The following MARCHF1 variants were observed in gnomAD, a reference collection of about 807,000 sequenced individuals.
MARCHF1 encodes membrane associated ring-CH-type finger 1.
Under a neutral mutation model 54.2 loss-of-function variants are expected in MARCHF1, and 40 were observed. The observed-to-expected ratio is 0.74, with a 90% CI of 0.57 to 0.96. The LOEUF (loss-of-function observed/expected upper bound fraction) is 0.96, where lower values mean the gene tolerates loss of function less well. MARCHF1 is among the 40% of genes least tolerant of loss of function. The probability of loss-of-function intolerance (pLI) is 0.00; values close to 1 mark genes in which losing one functional copy is unlikely to be tolerated. For synonymous variants in MARCHF1, 236 were observed against 236.3 expected, an observed-to-expected ratio of 1.00 and a Z score of 0.01; for missense variants, 586 against 656.5, an observed-to-expected ratio of 0.89 and a Z score of 1.17.
Position 163,545,746 on chromosome 4 carries a change from G to A in MARCHF1, c.1192-3C>T, listed in dbSNP as rs772212250. ...GTGGTCATCTGTAGTTTCTCCCACT[G>A]CAATCAGAAATGAAGGACACAAAAC... On this transcript the variant is annotated splice_polypyrimidine_tract_variant and splice_region_variant and intron_variant, in intron 8 of 9. Coordinates refer to ENST00000514618, the MANE Select transcript of MARCHF1 (RefSeq NM_001394959.1). 5 of 1,612,078 alleles carry A rather than the reference G, an allele frequency of 3.1e-6. No individual in the cohort carries two copies. Among genetic ancestry groups the A allele is most frequent in the Non-Finnish European group, 3.4e-6 (4 of 1,179,364 alleles).
intron 1 of MARCHF1, among the ~76,000 whole-genome samples, chr4:164,114,519 T>C (rs2110743907): frequency 6.6e-6 from 1 of 151,878 alleles, no homozygotes; most frequent in Non-Finnish European, 1.5e-5. Flanking sequence ...GAATTGTTAA[T>C]ATTTAGTGCA....
In MARCHF1 at chr4:163,687,020, G is replaced by C. The variant is rs370589720; in HGVS notation, c.162+13793C>G. On this transcript the variant is annotated intron_variant, in intron 5 of 9. Transcript: ENST00000514618. ...GATTTTCAAATTGTTTTTGGGCTTG[G>C]CAAATGTGTTTTATCTAATTTTGCA... 4.6e-5 allele frequency among the ~76,000 whole-genome samples: 7 copies of C among 152,098 alleles called. No individual in the cohort carries two copies. In the East Asian group the frequency reaches 7.7e-4, roughly 17 times the overall value.
intron 3 of MARCHF1, 127 bp from the exon 4 acceptor site, chr4:163,854,296 G>T: frequency 3.1e-6 from 2 of 651,310 alleles, no homozygotes; most frequent in East Asian, 3.0e-5. Flanking sequence ...AAAAACCAGG[G>T]GTTACAAGGA....
In MARCHF1 at chr4:163,613,020, G is replaced by A; in HGVS notation, c.261C>T (p.Asp87=). 12 of 1,507,638 alleles carry A rather than the reference G, an allele frequency of 8.0e-6. No homozygotes were observed. The highest frequency in any genetic ancestry group is 1.3e-5 in the South Asian group (1 of 78,412). 93.4% of individuals were successfully genotyped at this position (1,507,638 alleles called of 1,614,324 possible). The change falls in exon 7 of 10, where the codon GAC becomes GAT. Residue 87 remains aspartate, a synonymous_variant. Coordinates refer to ENST00000514618, the MANE Select transcript of MARCHF1 (RefSeq NM_001394959.1). ...QDICRSAILH[D]MSEESFEYCT... ...AATACTCAAATGACTCTTCTGACAT[G>A]TCATGCAAGATGGCAGATCTAGACA...
intron 5 of MARCHF1, among the ~76,000 whole-genome samples, chr4:163,619,607 C>T (rs972889917): frequency 6.6e-6 from 1 of 151,814 alleles, no homozygotes; most frequent in Non-Finnish European, 1.5e-5. Flanking sequence ...ATCTATCTGT[C>T]TATATGTATC....
chr4:163,877,223 A>G (rs1253165266), intron 3 of MARCHF1, among the ~76,000 whole-genome samples: 33 of 152,246 alleles, frequency 2.2e-4, no homozygotes, highest in Non-Finnish European at 1.5e-5. Flanking sequence ...TCCCTACTGA[A>G]AAGTTCTTGA....
At chr4:163,703,750 A>G (rs182154707) in intron 4 of MARCHF1, among the ~76,000 whole-genome samples, 34 of 152,178 alleles carry the variant, frequency 2.2e-4, no homozygotes, top group Admixed American at 1.4e-3. Context: ...CAGTTTCCTA[A>G]GTTTTATTGA....
chr4:163,818,080 G>C (rs1228793516), intron 4 of MARCHF1, among the ~76,000 whole-genome samples: 1 of 151,490 alleles, frequency 6.6e-6, no homozygotes, highest in Admixed American at 6.6e-5. Flanking sequence ...CCTGCACATT[G>C]TGCACATGTA....
intron 3 of MARCHF1, among the ~76,000 whole-genome samples, chr4:163,975,000 T>TG (rs1157592811): frequency 2.6e-5 from 4 of 152,216 alleles, no homozygotes; most frequent in Middle Eastern, 3.4e-3. Context: ...GGACATAGGA[T>TG]TTTTTATGCC....
intron 1 of MARCHF1, among the ~76,000 whole-genome samples, chr4:164,323,454 TAC>T (rs1579720440): frequency 6.6e-6 from 1 of 151,442 alleles, no homozygotes; most frequent in African/African-American, 2.4e-5. Context: ...AAATGTTAAT[TAC>T]ACTTATTTTA....
chr4:163,599,188 C>G (rs753691704), intron 7 of MARCHF1, among the ~76,000 whole-genome samples: 1 of 152,020 alleles, frequency 6.6e-6, no homozygotes, highest in Non-Finnish European at 1.5e-5. Context: ...ACTTGGGAGG[C>G]TGAGACAGGG....
At chr4:163,968,030 C>A (rs916491208) in intron 3 of MARCHF1, among the ~76,000 whole-genome samples, 2 of 152,160 alleles carry the variant, frequency 1.3e-5, no homozygotes, top group East Asian at 3.8e-4. Flanking sequence ...CTAGATAAAG[C>A]TTTAACTTGA....
At chr4:164,058,396 A>T (rs182051911) in intron 2 of MARCHF1, among the ~76,000 whole-genome samples, 1 of 152,324 alleles carries the variant, frequency 6.6e-6, no homozygotes, top group East Asian at 1.9e-4. Context: ...TTAATTATTC[A>T]ATAGATTGGG....
intron 1 of MARCHF1, among the ~76,000 whole-genome samples, chr4:164,187,266 T>TG (rs1307159169): frequency 3.3e-5 from 2 of 61,070 alleles, no homozygotes; most frequent in Non-Finnish European, 9.7e-5. Flanking sequence ...AAACTAGGTC[T>TG]GCCCCCCTCC....
intron 2 of MARCHF1, among the ~76,000 whole-genome samples, chr4:164,070,671 T>C (rs983918093): frequency 1.3e-5 from 2 of 152,188 alleles, no homozygotes; most frequent in African/African-American, 4.8e-5. Context: ...GGAAGGATTT[T>C]TAAGGGGTAT....
At chr4:163,675,384 A>G (rs1473157706) in intron 5 of MARCHF1, among the ~76,000 whole-genome samples, 5 of 152,232 alleles carry the variant, frequency 3.3e-5, no homozygotes, top group African/African-American at 9.6e-5. Flanking sequence ...TGAAAAATAA[A>G]TAAACAAATC....
At chr4:164,249,432 T>C (rs1233477251) in intron 1 of MARCHF1, among the ~76,000 whole-genome samples, 1 of 152,146 alleles carries the variant, frequency 6.6e-6, no homozygotes, top group East Asian at 1.9e-4. Flanking sequence ...GATGTATATG[T>C]GAAATCAAAG....
intron 2 of MARCHF1, among the ~76,000 whole-genome samples, chr4:164,029,316 G>A (rs1753830219): frequency 6.6e-6 from 1 of 152,058 alleles, no homozygotes; most frequent in African/African-American, 2.4e-5. Context: ...CATATGGCCA[G>A]AGCAGGAGGG....
At chr4:163,696,878 T>A (rs189802749) in intron 5 of MARCHF1, among the ~76,000 whole-genome samples, 44 of 152,262 alleles carry the variant, frequency 2.9e-4, no homozygotes, top group South Asian at 1.0e-3. Context: ...CTATACTTCT[T>A]TTTTAGGTAG....
Sources: allele counts gnomAD v4.1 joint callset (sites outside exome capture counted in the v4.1 genomes callset), GRCh38; gene constraint gnomAD v4.1.1; transcripts MANE v1.5; gene names NCBI Gene and HGNC (gene_info 2026-07-23, HGNC 2026-07-21).